The following MEAK7 variants were observed in gnomAD, a reference collection of about 807,000 sequenced individuals.
MEAK7 encodes MTOR-associated protein MEAK7.
In MEAK7, 68 loss-of-function variants were observed where a neutral mutation model predicts 40.5. That is an observed-to-expected ratio of 1.68 (90% confidence interval 1.38 to 2.06). The LOEUF is 2.06. Among genes scored for constraint, MEAK7 ranks in the 30% most tolerant of loss-of-function variants. The pLI is 0.00. For missense variants in MEAK7, 918 were observed against 580.5 expected (o/e 1.58, Z -5.98); for synonymous variants, 338 against 231.9 (o/e 1.46, Z -4.16).
intron 5 of MEAK7, among the ~76,000 whole-genome samples, chr16:84,485,663 C>CTAACT (rs1357237005): frequency 6.7e-6 from 1 of 149,782 alleles, no homozygotes; most frequent in Non-Finnish European, 1.5e-5. Context: ...TCCATCCATC[C>CTAACT]ATCTATCTAC....
intron 3 of MEAK7, 181 bp downstream of exon 3, chr16:84,495,502 G>A: frequency 3.3e-6 from 2 of 612,968 alleles, no homozygotes; most frequent in South Asian, 2.0e-5. Context: ...TTTGGAGAAA[G>A]GCACAGGCCT....
At chr16:84,492,233 C>G (rs915639820) in intron 3 of MEAK7, among the ~76,000 whole-genome samples, 2 of 152,170 alleles carry the variant, frequency 1.3e-5, no homozygotes, top group African/African-American at 4.8e-5. Context: ...GATCCAACAC[C>G]AGCATCTGGG....
rs1010755463 is a variant in MEAK7 at position 84,476,464 on chromosome 16, A to T, written c.*3449T>A. On this transcript the variant is annotated 3_prime_UTR_variant, in exon 8 of 8. Coordinates refer to ENST00000343629, the MANE Select transcript of MEAK7 (RefSeq NM_020947.4). ...CAAGAGGTTTTTTTAATTCATCTAT[A>T]TCTAAATAAAAGGCATATACCTCTC... is the stretch of plus-strand genomic sequence containing the variant. 1.3e-5 allele frequency: 2 copies of T among 152,168 alleles called. No homozygotes were observed. Among genetic ancestry groups the T allele is most frequent in the Non-Finnish European group, 1.5e-5 (1 of 68,030 alleles). The allele number at this position is 152,168 out of a possible 1,614,324, so 9.4% of individuals were successfully genotyped here. A position where few individuals can be genotyped will look rare whatever the true frequency, so the allele number is the denominator to read the frequency against.
intron 3 of MEAK7, among the ~76,000 whole-genome samples, chr16:84,491,178 G>A (rs1400837608): frequency 2.0e-5 from 3 of 151,694 alleles, no homozygotes; most frequent in South Asian, 2.1e-4. Flanking sequence ...GGTGGCTCAC[G>A]CCTGTAATCC....
rs919741686 is a variant in MEAK7 at position 84,480,431 on chromosome 16, T to C, written c.1257+98A>G. On this transcript the variant is annotated intron_variant, in intron 7 of 7. Transcript: ENST00000343629. Reference sequence around the variant, plus strand: ...CCAGGATCAAATTTGGGATAAACTATCTGCAGACAGAAGAGTAAAGGGGTA... The same window carrying C: ...CCAGGATCAAATTTGGGATAAACTACCTGCAGACAGAAGAGTAAAGGGGTA... The C allele has an allele frequency of 5.1e-6, 7 of 1,382,960 alleles. No individual in the cohort carries two copies. The African/African-American group carries it at 1.0e-4, about 20-fold the overall frequency. 85.7% of individuals were successfully genotyped at this position (1,382,960 alleles called of 1,614,324 possible).
At chr16:84,482,103 C>T (rs1341243362) in intron 6 of MEAK7, among the ~76,000 whole-genome samples, 1 of 152,176 alleles carries the variant, frequency 6.6e-6, no homozygotes, top group Admixed American at 6.5e-5. Context: ...CTAGGCCTCC[C>T]CCGCTTCCCC....
At chr16:84,500,714 G>C (rs1369123851) in intron 1 of MEAK7, among the ~76,000 whole-genome samples, 1 of 152,158 alleles carries the variant, frequency 6.6e-6, no homozygotes, top group Admixed American at 6.5e-5. Flanking sequence ...CTCCAGCCTG[G>C]ACTCAATGTC....
At chr16:84,494,219 A>T (rs1268949256) in intron 3 of MEAK7, among the ~76,000 whole-genome samples, 1 of 152,214 alleles carries the variant, frequency 6.6e-6, no homozygotes, top group African/African-American at 2.4e-5. Context: ...TTATTTTACA[A>T]ATAAGTTGGT....
intron 1 of MEAK7, 130 bp from the exon 2 acceptor site, chr16:84,498,241 G>A: frequency 2.7e-6 from 3 of 1,111,748 alleles, no homozygotes; most frequent in South Asian, 1.6e-5. Context: ...ACACATCAGA[G>A]CTACATAATA....
rs1288509871 is a variant in MEAK7 at position 84,480,027 on chromosome 16, C to T, written c.1258-1G>A. The T allele has an allele frequency of 1.3e-6, 2 of 1,590,908 alleles. No homozygotes were observed. The highest frequency in any genetic ancestry group is 8.6e-7 in the Non-Finnish European group (1 of 1,164,428). On this transcript the variant is annotated splice_acceptor_variant, in intron 7 of 7. Coordinates refer to ENST00000343629, the MANE Select transcript of MEAK7 (RefSeq NM_020947.4). LOFTEE classifies it high-confidence loss of function. The stretch of plus-strand genomic sequence containing the variant: ...CCAGGATGCTCTTGTTGCCCTTGGC[C>T]TTGAGAAGAGAAGAAAGGGTGGGTG...
chr16:84,478,180 G>A lies in MEAK7; in HGVS notation c.*1733C>T, dbSNP rs1485108316. 1 of 152,174 alleles carries A rather than the reference G, an allele frequency of 6.6e-6. No homozygotes were observed. Among genetic ancestry groups the A allele is most frequent in the East Asian group, 1.9e-4 (1 of 5,198 alleles). 9.4% of individuals were successfully genotyped at this position (152,174 alleles called of 1,614,324 possible). A position where few individuals can be genotyped will look rare whatever the true frequency, so the allele number is the denominator to read the frequency against. On this transcript the variant is annotated 3_prime_UTR_variant, in exon 8 of 8. Coordinates refer to ENST00000343629, the MANE Select transcript of MEAK7 (RefSeq NM_020947.4). ...TGGACTTACGGTAGAGATGCTTGAG[G>A]ATCCTAATATTCTACTTCTGCCAAC... is the stretch of plus-strand genomic sequence containing the variant.
At chr16:84,495,611 T>C in intron 3 of MEAK7, 72 bp downstream of exon 3, 3 of 1,431,008 alleles carry the variant, frequency 2.1e-6, no homozygotes, top group Non-Finnish European at 2.9e-6. Flanking sequence ...GCCATGTAAC[T>C]GGCCTCCATC....
chr16:84,488,749 TA>T (rs1363344215), intron 4 of MEAK7, among the ~76,000 whole-genome samples: 2 of 151,854 alleles, frequency 1.3e-5, no homozygotes, highest in African/African-American at 4.8e-5. Context: ...TCAATGAAAA[TA>T]AAAACATAAC....
chr16:84,481,244 A>T (rs1428047957), intron 6 of MEAK7, among the ~76,000 whole-genome samples: 2 of 152,220 alleles, frequency 1.3e-5, no homozygotes, highest in African/African-American at 4.8e-5. Context: ...ACCCTCAGTC[A>T]CATGGCTGGG....
intron 4 of MEAK7, chr16:84,487,501 G>C: frequency 1.2e-5 from 2 of 161,002 alleles, no homozygotes; most frequent in Non-Finnish European, 2.7e-5. Context: ...CCTGGCAATG[G>C]GGCTGGAATA....
At chr16:84,494,392 A>C (rs1913873599) in intron 3 of MEAK7, among the ~76,000 whole-genome samples, 1 of 152,174 alleles carries the variant, frequency 6.6e-6, no homozygotes, top group Non-Finnish European at 1.5e-5. Context: ...CCTGGCTACA[A>C]GTCTTTAAAA....
At chr16:84,493,447 G>A (rs1037777904) in intron 3 of MEAK7, among the ~76,000 whole-genome samples, 5 of 152,214 alleles carry the variant, frequency 3.3e-5, no homozygotes, top group African/African-American at 1.2e-4. Flanking sequence ...CCAATATCAA[G>A]CAAGCAAGAA....
Position 84,478,369 on chromosome 16 carries a change from A to C in MEAK7, c.*1544T>G, listed in dbSNP as rs1240054243. 6.6e-6 allele frequency: 1 copy of C among 152,226 alleles called. No homozygotes were observed. The highest frequency in any genetic ancestry group is 2.4e-5 in the African/African-American group (1 of 41,456). 9.4% of individuals were successfully genotyped at this position (152,226 alleles called of 1,614,324 possible). A position where few individuals can be genotyped will look rare whatever the true frequency, so the allele number is the denominator to read the frequency against. ...GCTAATTTATGAGGCATTCTGCCTG[A>C]GTCAGGGCTATTGCTAAGTGGAAGG... is the stretch of plus-strand genomic sequence containing the variant. On this transcript the variant is annotated 3_prime_UTR_variant, in exon 8 of 8. Coordinates refer to ENST00000343629, the MANE Select transcript of MEAK7 (RefSeq NM_020947.4).
chr16:84,477,871 G>A lies in MEAK7; in HGVS notation c.*2042C>T, dbSNP rs1057403350. 2.6e-5 allele frequency: 4 copies of A among 151,970 alleles called. No individual in the cohort carries two copies. The highest frequency in any genetic ancestry group is 9.7e-5 in the African/African-American group (4 of 41,364). The allele number at this position is 151,970 out of a possible 1,614,324, so 9.4% of individuals were successfully genotyped here. On this transcript the variant is annotated 3_prime_UTR_variant, in exon 8 of 8. Transcript: ENST00000343629. ...TGCATCCCCCAGGCTCCCAAGCCCG[G>A]GCCAGTGACCTTTCTCTAAGTGCAC...
Sources: allele counts gnomAD v4.1 joint callset (sites outside exome capture counted in the v4.1 genomes callset), GRCh38; gene constraint gnomAD v4.1.1; transcripts MANE v1.5; gene names NCBI Gene and HGNC (gene_info 2026-07-23, HGNC 2026-07-21).